Variants in NDUFAF2 observed in about 807,000 individuals in gnomAD.
The protein encoded by NDUFAF2 is NADH:ubiquinone oxidoreductase complex assembly factor 2, also known as NADH dehydrogenase [ubiquinone] 1 alpha subcomplex assembly factor 2.
Under a neutral mutation model 22.8 loss-of-function variants are expected in NDUFAF2, and 13 were observed. The observed-to-expected ratio is 0.57, with a 90% CI of 0.37 to 0.91. NDUFAF2 has a LOEUF of 0.91. Ranked by LOEUF, NDUFAF2 falls within the 40% of genes least tolerant of loss-of-function variation. The pLI, the probability that NDUFAF2 is intolerant of heterozygous loss-of-function variation, is 0.01. For synonymous variants in NDUFAF2, 53 were observed against 64.2 expected, an observed-to-expected ratio of 0.83 and a Z score of 0.84; for missense variants, 162 against 195.2, an observed-to-expected ratio of 0.83 and a Z score of 1.01.
In NDUFAF2 at chr5:61,021,413, A is replaced by G. The variant is rs545763499; in HGVS notation, c.128-51712A>G. Among the ~76,000 whole-genome samples, 9 of 152,206 alleles carry G rather than the reference A, an allele frequency of 5.9e-5. No homozygotes were observed. The South Asian group carries it at 1.7e-3, about 28-fold the overall frequency. ...CATTTTCTGTAACTCTGACCCTTCT[A>G]TCTCCTTCTATAAGGATTCTTGTGA... On this transcript the variant is annotated intron_variant, in intron 1 of 3. Transcript: ENST00000296597.
chr5:61,047,699 G>A (rs375495255), intron 1 of NDUFAF2, among the ~76,000 whole-genome samples: 2 of 151,848 alleles, frequency 1.3e-5, no homozygotes, highest in African/African-American at 4.8e-5. Context: ...ACCTGCCACA[G>A]AGCCCAAAAG....
intron 1 of NDUFAF2, among the ~76,000 whole-genome samples, chr5:60,965,319 A>G (rs192975371): frequency 1.5e-3 from 225 of 152,172 alleles, no homozygotes; most frequent in Non-Finnish European, 2.8e-3. Flanking sequence ...ATACATTGTG[A>G]AATGATTAAA....
Position 61,051,348 on chromosome 5 carries a change from A to G in NDUFAF2, c.128-21777A>G, listed in dbSNP as rs188462034. ...TACTTATCGCTCTCTATTGCAGTCA[A>G]TCTGTGTTCCTAACCATCTGACCCC... On this transcript the variant is annotated intron_variant, in intron 1 of 3. Transcript: ENST00000296597. Among the ~76,000 whole-genome samples the G allele has an allele frequency of 2.4e-3, 366 of 152,196 alleles. 1 individual carries two copies. Among genetic ancestry groups the G allele is most frequent in the African/African-American group, 8.5e-3 (352 of 41,518 alleles).
intron 1 of NDUFAF2, among the ~76,000 whole-genome samples, chr5:61,051,600 A>G (rs568443322): frequency 6.6e-6 from 1 of 152,330 alleles, no homozygotes; most frequent in Non-Finnish European, 1.5e-5. Context: ...TGACCTAGGC[A>G]TTAGTATAAA....
chr5:60,983,273 T>C (rs1268076088), intron 1 of NDUFAF2, among the ~76,000 whole-genome samples: 1 of 75,742 alleles, frequency 1.3e-5, no homozygotes. Flanking sequence ...TAAATTTGTT[T>C]GAGTTCATTG....
At chr5:61,061,719 C>A (rs1446525147) in intron 1 of NDUFAF2, among the ~76,000 whole-genome samples, 1 of 152,172 alleles carries the variant, frequency 6.6e-6, no homozygotes, top group African/African-American at 2.4e-5. Context: ...ACCCAACTCT[C>A]CAGACACTCT....
rs1390782359 is a variant in NDUFAF2, at chr5:61,106,421, T to A, written c.258+7389T>A. Among the ~76,000 whole-genome samples the A allele has an allele frequency of 2.0e-5, 3 of 151,304 alleles. No individual in the cohort carries two copies. The East Asian group carries it at 5.8e-4, about 29-fold the overall frequency. The stretch of plus-strand genomic sequence containing the variant: ...TTTAATTTTTGATTTTGTGGGTACT[T>A]AGTAGGTGTATATACTTAGAAGGTT... On this transcript the variant is annotated intron_variant, in intron 3 of 3. Transcript: ENST00000296597.
chr5:60,960,822 T>G (rs1268251889), intron 1 of NDUFAF2, among the ~76,000 whole-genome samples: 1 of 152,204 alleles, frequency 6.6e-6, no homozygotes, highest in Non-Finnish European at 1.5e-5. Context: ...GCCTCCATCT[T>G]GTGGTCCAAC....
intron 2 of NDUFAF2, 105 bp from the exon 3 acceptor site, chr5:61,098,887 A>T: frequency 1.4e-6 from 1 of 718,002 alleles, no homozygotes; most frequent in Non-Finnish European, 2.4e-6. Context: ...TATCTCCAGT[A>T]CCTAAAATAA....
intron 1 of NDUFAF2, among the ~76,000 whole-genome samples, chr5:61,054,942 C>T (rs1346954488): frequency 6.6e-6 from 1 of 152,140 alleles, no homozygotes; most frequent in Non-Finnish European, 1.5e-5. Flanking sequence ...ATAATGAGAG[C>T]TGTTCTCTCA....
intron 1 of NDUFAF2, among the ~76,000 whole-genome samples, chr5:61,046,749 C>T (rs1328476563): frequency 2.0e-5 from 3 of 152,018 alleles, no homozygotes; most frequent in Admixed American, 6.6e-5. Context: ...TTCATTTATG[C>T]CTGGCAAAGA....
chr5:61,079,885 G>T (rs1260450523), intron 2 of NDUFAF2, among the ~76,000 whole-genome samples: 1 of 152,094 alleles, frequency 6.6e-6, no homozygotes, highest in Non-Finnish European at 1.5e-5. Flanking sequence ...TTCCCTCCCT[G>T]GGGCACAACC....
chr5:60,952,597 C>T (rs1216227013), intron 1 of NDUFAF2, among the ~76,000 whole-genome samples: 1 of 151,796 alleles, frequency 6.6e-6, no homozygotes, highest in Non-Finnish European at 1.5e-5. Flanking sequence ...GTTTTATGGC[C>T]TAGAGTATGG....
chr5:61,081,488 T>A (rs1561559853), intron 2 of NDUFAF2, among the ~76,000 whole-genome samples: 1 of 152,140 alleles, frequency 6.6e-6, no homozygotes, highest in East Asian at 1.9e-4. Flanking sequence ...GTCTCAGGAT[T>A]TGACTTAATC....
At chr5:61,144,560 C>G (rs2111829384) in intron 3 of NDUFAF2, among the ~76,000 whole-genome samples, 1 of 152,192 alleles carries the variant, frequency 6.6e-6, no homozygotes, top group Non-Finnish European at 1.5e-5. Flanking sequence ...GAGGAATGTT[C>G]ACTCCCACAC....
intron 1 of NDUFAF2, among the ~76,000 whole-genome samples, chr5:60,976,949 T>G (rs1750909991): frequency 6.6e-6 from 1 of 152,182 alleles, no homozygotes; most frequent in African/African-American, 2.4e-5. Flanking sequence ...ATCTATCTTC[T>G]GTGTGCTAGG....
intron 1 of NDUFAF2, among the ~76,000 whole-genome samples, chr5:60,953,189 C>G (rs893367143): frequency 6.6e-6 from 1 of 151,704 alleles, no homozygotes; most frequent in South Asian, 2.1e-4. Context: ...TTGCTCAAAG[C>G]CATTGATAAA....
chr5:61,076,428 TA>T (rs1239209061), intron 2 of NDUFAF2, among the ~76,000 whole-genome samples: 1 of 152,116 alleles, frequency 6.6e-6, no homozygotes, highest in Non-Finnish European at 1.5e-5. Flanking sequence ...GACTTCTGAA[TA>T]AAAACAGAAG....
intron 1 of NDUFAF2, among the ~76,000 whole-genome samples, chr5:60,966,514 T>A (rs1295680056): frequency 6.6e-6 from 1 of 152,154 alleles, no homozygotes; most frequent in Admixed American, 6.5e-5. Flanking sequence ...GTCTTTAATC[T>A]ATTTCAAGTT....
Sources: gnomAD v4.1 joint callset for allele counts (sites outside exome capture counted in the v4.1 genomes callset) on GRCh38, gnomAD v4.1.1 for gene constraint, MANE v1.5 for transcripts, NCBI Gene and HGNC (gene_info 2026-07-23, HGNC 2026-07-21) for gene names.